The following CNTNAP5 variants were observed in gnomAD, a reference collection of about 807,000 sequenced individuals.
The protein encoded by CNTNAP5 is contactin-associated protein-like 5.
CNTNAP5 carries 72 observed loss-of-function variants against 150.2 expected under a neutral mutation model. That is an observed-to-expected ratio of 0.48 (90% CI 0.40 to 0.58). The LOEUF is 0.58. Among genes scored for constraint, CNTNAP5 ranks in the 20% least tolerant of loss-of-function variants. The probability of loss-of-function intolerance (pLI) is 0.00; values close to 1 mark genes in which losing one functional copy is unlikely to be tolerated. For missense variants in CNTNAP5, 1,636 were observed against 1,626.2 expected (o/e 1.01, Z -0.10); for synonymous variants, 672 against 619.8 (o/e 1.08, Z -1.25).
At chr2:124,258,893 C>T (rs2104598331) in intron 3 of CNTNAP5, among the ~76,000 whole-genome samples, 1 of 151,494 alleles carries the variant, frequency 6.6e-6, no homozygotes, top group Non-Finnish European at 1.5e-5. Flanking sequence ...TTTTAGGGTA[C>T]ATGTGCACAA....
chr2:124,483,441 T>C (rs1391397343), intron 7 of CNTNAP5, among the ~76,000 whole-genome samples: 2 of 152,162 alleles, frequency 1.3e-5, no homozygotes, highest in Non-Finnish European at 2.9e-5. Context: ...CTCCATGCCT[T>C]ATCAACTCCA....
At chr2:124,333,556 C>A (rs899526046) in intron 3 of CNTNAP5, among the ~76,000 whole-genome samples, 7 of 152,098 alleles carry the variant, frequency 4.6e-5, no homozygotes, top group African/African-American at 1.7e-4. Flanking sequence ...CAATCCATTA[C>A]AGGATTTTAT....
intron 11 of CNTNAP5, among the ~76,000 whole-genome samples, chr2:124,582,332 A>G (rs1696433694): frequency 6.6e-6 from 1 of 152,200 alleles, no homozygotes; most frequent in Non-Finnish European, 1.5e-5. Context: ...AGAAACCAGG[A>G]TTTGACTCAA....
At chr2:124,356,500 T>C in intron 3 of CNTNAP5, among the ~76,000 whole-genome samples, 1 of 134,580 alleles carries the variant, frequency 7.4e-6, no homozygotes, top group Non-Finnish European at 1.5e-5. Flanking sequence ...ATATTCCCCT[T>C]CCTGTGTCCA....
At chr2:124,728,899 T>A (rs1393645926) in intron 13 of CNTNAP5, among the ~76,000 whole-genome samples, 1 of 152,182 alleles carries the variant, frequency 6.6e-6, no homozygotes, top group East Asian at 1.9e-4. Context: ...GCTAGACTAT[T>A]TTCTATTATC....
At chr2:124,422,488 T>A (rs150615497) in intron 4 of CNTNAP5, among the ~76,000 whole-genome samples, 1 of 152,334 alleles carries the variant, frequency 6.6e-6, no homozygotes, top group East Asian at 1.9e-4. Flanking sequence ...TGATTACATG[T>A]CATCAGTTAA....
At chr2:124,905,275 C>G (rs1678512386) in intron 22 of CNTNAP5, among the ~76,000 whole-genome samples, 2 of 151,394 alleles carry the variant, frequency 1.3e-5, no homozygotes, top group African/African-American at 4.8e-5. Flanking sequence ...ATCAAAAAGA[C>G]AAGAACAACA....
rs375035624 is a variant in CNTNAP5, at chr2:124,419,152, A to C, written c.529+1562A>C. On this transcript the variant is annotated intron_variant, in intron 4 of 23. Coordinates refer to ENST00000682447, the MANE Select transcript of CNTNAP5 (RefSeq NM_001367498.1). ...CGAGACTCCTTCTCAAAAAAAAAAA[A>C]AAAAAAAAAAACAGTATGAAGCTTT... 1.1e-3 allele frequency among the ~76,000 whole-genome samples: 129 copies of C among 121,022 alleles called. 7 individuals carry two copies. Among genetic ancestry groups the C allele is most frequent in the African/African-American group, 3.1e-3 (110 of 35,294 alleles). The allele number at this position is 121,022 out of a possible 152,430, so 79.4% of individuals were successfully genotyped here.
At chr2:124,854,483 T>C (rs1405163427) in intron 19 of CNTNAP5, among the ~76,000 whole-genome samples, 1 of 152,240 alleles carries the variant, frequency 6.6e-6, no homozygotes, top group Admixed American at 6.5e-5. Context: ...AGTAGGCACA[T>C]CAGATCAGCC....
chr2:124,104,243 C>T (rs1200005979), intron 1 of CNTNAP5, among the ~76,000 whole-genome samples: 1 of 152,012 alleles, frequency 6.6e-6, no homozygotes, highest in Admixed American at 6.6e-5. Context: ...GTATGTATCA[C>T]ACATTCCATC....
intron 3 of CNTNAP5, among the ~76,000 whole-genome samples, chr2:124,273,433 T>C (rs991840066): frequency 1.3e-5 from 2 of 152,192 alleles, no homozygotes; most frequent in Non-Finnish European, 2.9e-5. Flanking sequence ...CCTCATTTAA[T>C]TTGTCAGCTT....
At chr2:124,314,204 A>G (rs1688903004) in intron 3 of CNTNAP5, among the ~76,000 whole-genome samples, 1 of 152,162 alleles carries the variant, frequency 6.6e-6, no homozygotes, top group African/African-American at 2.4e-5. Flanking sequence ...ATCTCGTACT[A>G]CTTCATCTGA....
At position 124,283,680 on chromosome 2, in the gene CNTNAP5, A is replaced by G. The variant is rs116795050; in HGVS notation, c.381+41287A>G. On this transcript the variant is annotated intron_variant, in intron 3 of 23. Transcript: ENST00000682447. ...GTTTGGGCTGCTGTAATAAAATACT[A>G]CATACGAGGTGACTTATAAGCAATA... 9.0e-3 allele frequency among the ~76,000 whole-genome samples: 1,371 copies of G among 152,326 alleles called. 22 individuals are homozygous for G. The highest frequency in any genetic ancestry group is 0.031 in the African/African-American group (1,281 of 41,574).
At chr2:124,179,037 G>C (rs1023318966) in intron 1 of CNTNAP5, among the ~76,000 whole-genome samples, 6 of 151,118 alleles carry the variant, frequency 4.0e-5, no homozygotes, top group African/African-American at 1.2e-4. Context: ...TTCAAGAAAG[G>C]CTGTATTGAT....
chr2:124,896,619 A>G (rs1678310790), intron 21 of CNTNAP5, among the ~76,000 whole-genome samples: 1 of 151,276 alleles, frequency 6.6e-6, no homozygotes, highest in East Asian at 1.9e-4. Context: ...GCTCACTGAA[A>G]CCTCTGCCTC....
At chr2:124,327,316 C>A (rs1573918304) in intron 3 of CNTNAP5, among the ~76,000 whole-genome samples, 1 of 152,194 alleles carries the variant, frequency 6.6e-6, no homozygotes, top group East Asian at 1.9e-4. Context: ...AACTAAAAAA[C>A]TGAAAAGAAA....
chr2:124,692,145 C>T (rs1679312485), intron 13 of CNTNAP5, among the ~76,000 whole-genome samples: 1 of 152,032 alleles, frequency 6.6e-6, no homozygotes, highest in South Asian at 2.1e-4. Context: ...TGAGTGAAGC[C>T]CTTTGGGGAT....
intron 3 of CNTNAP5, among the ~76,000 whole-genome samples, chr2:124,319,384 G>C (rs1158495163): frequency 6.6e-6 from 1 of 152,168 alleles, no homozygotes; most frequent in African/African-American, 2.4e-5. Context: ...AGGTATCAAA[G>C]ACTATTTTGT....
At chr2:124,069,121 G>A (rs1682237167) in intron 1 of CNTNAP5, among the ~76,000 whole-genome samples, 1 of 152,052 alleles carries the variant, frequency 6.6e-6, no homozygotes, top group African/African-American at 2.4e-5. Context: ...GCCATGAAGG[G>A]TGAGTCCCAG....
Sources: allele counts gnomAD v4.1 joint callset (sites outside exome capture counted in the v4.1 genomes callset), GRCh38; gene constraint gnomAD v4.1.1; transcripts MANE v1.5; gene names NCBI Gene and HGNC (gene_info 2026-07-23, HGNC 2026-07-21).